Variants in GREM2 observed in about 807,000 individuals in gnomAD.
GREM2 encodes the protein gremlin 2, DAN family BMP antagonist.
GREM2 carries 11 observed loss-of-function variants against 14.2 expected under a neutral mutation model. The observed-to-expected ratio is 0.78, with a 90% CI of 0.49 to 1.28. GREM2 has a LOEUF of 1.28. Among genes scored for constraint, GREM2 ranks in the 50% most tolerant of loss-of-function variants. The pLI is 0.00. For synonymous variants in GREM2, 98 were observed against 97.6 expected (o/e 1.00, Z -0.02); for missense variants, 210 against 218.5 (o/e 0.96, Z 0.24).
intron 1 of GREM2, among the ~76,000 whole-genome samples, chr1:240,584,184 C>T (rs949925741): frequency 4.6e-5 from 7 of 151,988 alleles, no homozygotes; most frequent in African/African-American, 9.7e-5. Context: ...CACAGTAAGA[C>T]CCCATCTCTA....
intron 1 of GREM2, among the ~76,000 whole-genome samples, chr1:240,501,616 G>T (rs139827809): frequency 6.6e-6 from 1 of 152,228 alleles, no homozygotes; most frequent in South Asian, 2.1e-4. Context: ...ATGAGGAAGC[G>T]CTTGGAAAGC....
intron 1 of GREM2, among the ~76,000 whole-genome samples, chr1:240,608,413 G>A (rs1053089843): frequency 1.3e-5 from 2 of 152,092 alleles, no homozygotes; most frequent in African/African-American, 2.4e-5. Flanking sequence ...TTCCCAAAAC[G>A]TAGCTACCAT....
chr1:240,594,911 A>G (rs552636684), intron 1 of GREM2, among the ~76,000 whole-genome samples: 34 of 152,298 alleles, frequency 2.2e-4, no homozygotes, highest in South Asian at 8.3e-4. Flanking sequence ...ACTGAATAGT[A>G]TAAAGAAATA....
At chr1:240,602,068 A>G (rs1345086726) in intron 1 of GREM2, among the ~76,000 whole-genome samples, 1 of 152,204 alleles carries the variant, frequency 6.6e-6, no homozygotes, top group African/African-American at 2.4e-5. Flanking sequence ...TATGAAGGAT[A>G]CACTTGTAGG....
intron 1 of GREM2, among the ~76,000 whole-genome samples, chr1:240,547,283 G>A (rs889622920): frequency 1.3e-5 from 2 of 151,722 alleles, no homozygotes; most frequent in South Asian, 2.1e-4. Context: ...GGCGGATCAC[G>A]AGGGCAGGAG....
At chr1:240,521,826 T>C (rs570682608) in intron 1 of GREM2, among the ~76,000 whole-genome samples, 1 of 152,062 alleles carries the variant, frequency 6.6e-6, no homozygotes, top group African/African-American at 2.4e-5. Context: ...TAATTTTAAA[T>C]GTAGGCCAGG....
intron 1 of GREM2, among the ~76,000 whole-genome samples, chr1:240,584,865 A>T (rs1679559417): frequency 6.6e-6 from 1 of 152,206 alleles, no homozygotes. Context: ...TAGGGATGTG[A>T]GCATCCTCTG....
intron 1 of GREM2, among the ~76,000 whole-genome samples, chr1:240,597,514 C>A (rs928138102): frequency 6.6e-6 from 1 of 152,216 alleles, no homozygotes; most frequent in Non-Finnish European, 1.5e-5. Flanking sequence ...ACGTCCCTTT[C>A]CGCCTTGCTC....
At chr1:240,580,464 A>G (rs910175023) in intron 1 of GREM2, among the ~76,000 whole-genome samples, 1 of 152,226 alleles carries the variant, frequency 6.6e-6, no homozygotes, top group African/African-American at 2.4e-5. Flanking sequence ...TTCTTGTTTA[A>G]ATAATTGATG....
intron 1 of GREM2, among the ~76,000 whole-genome samples, chr1:240,581,086 C>A (rs1054418079): frequency 6.6e-6 from 1 of 151,828 alleles, no homozygotes. Context: ...CGTGTCTCTA[C>A]TAAAAATACA....
Position 240,493,085 on chromosome 1 carries a change from C to G in GREM2, c.391G>C (p.Val131Leu). The G allele has an allele frequency of 6.2e-7, 1 of 1,613,746 alleles. No individual in the cohort carries two copies. Among genetic ancestry groups the G allele is most frequent in the South Asian group, 1.1e-5 (1 of 91,076 alleles). ...AFCKPQRVTS[V>L]LVELECPGLD... ...CCGGGGCACTCGAGCTCCACGAGGACGGAGGTGACGCGCTGGGGCTTGCAG... is the reference window on the plus strand; with the variant it reads ...CCGGGGCACTCGAGCTCCACGAGGAGGGAGGTGACGCGCTGGGGCTTGCAG... The change falls in exon 2 of 2, where the codon GTC (valine) becomes CTC (leucine). Residue 131 changes from valine to leucine, a missense_variant. By Grantham distance (32) the Val-to-Leu change is conservative. Coordinates refer to ENST00000318160, the MANE Select transcript of GREM2 (RefSeq NM_022469.4).
rs112987377 is a variant in GREM2 at position 240,517,145 on chromosome 1, T to C, written c.-1-23669A>G. ...ACAAAACAAAACCATGAAGTCCCAT[T>C]TTCCACATGAGAAAACTGAGCTGCC... On this transcript the variant is annotated intron_variant, in intron 1 of 1. Coordinates refer to ENST00000318160, the MANE Select transcript of GREM2 (RefSeq NM_022469.4). Among the ~76,000 whole-genome samples the C allele has an allele frequency of 7.8e-3, 1,188 of 152,286 alleles. 15 individuals are homozygous for C. The highest frequency in any genetic ancestry group is 0.027 in the African/African-American group (1,121 of 41,564).
At chr1:240,551,032 C>T (rs1307521265) in intron 1 of GREM2, among the ~76,000 whole-genome samples, 1 of 152,138 alleles carries the variant, frequency 6.6e-6, no homozygotes, top group Non-Finnish European at 1.5e-5. Context: ...GTTTTCTATC[C>T]TGGGCTAAAT....
intron 1 of GREM2, among the ~76,000 whole-genome samples, chr1:240,576,591 C>G (rs1679378410): frequency 6.6e-6 from 1 of 152,064 alleles, no homozygotes; most frequent in Non-Finnish European, 1.5e-5. Context: ...CCCTGGTTGA[C>G]CTAGTTAGCA....
At chr1:240,580,156 C>G (rs1478189418) in intron 1 of GREM2, among the ~76,000 whole-genome samples, 2 of 151,988 alleles carry the variant, frequency 1.3e-5, no homozygotes, top group Non-Finnish European at 1.5e-5. Context: ...TTTGGGAGGT[C>G]AAGGCAGGCA....
rs1380486853 is a variant in GREM2, at chr1:240,490,381, G to A, written c.*2588C>T. 1 of 152,560 alleles carries A rather than the reference G, an allele frequency of 6.6e-6. No individual in the cohort carries two copies. Among genetic ancestry groups the A allele is most frequent in the Non-Finnish European group, 1.5e-5 (1 of 68,046 alleles). 9.5% of individuals were successfully genotyped at this position (152,560 alleles called of 1,614,324 possible). A position where few individuals can be genotyped will look rare whatever the true frequency, so the allele number is the denominator to read the frequency against. On this transcript the variant is annotated 3_prime_UTR_variant, in exon 2 of 2. Coordinates refer to ENST00000318160, the MANE Select transcript of GREM2 (RefSeq NM_022469.4). ...AAAGGAGATCATGTGACATAAGCTA[G>A]AGGTTGAACTCACCATGGTTGAACA... is the stretch of plus-strand genomic sequence containing the variant.
chr1:240,562,817 T>C (rs559656442), intron 1 of GREM2, among the ~76,000 whole-genome samples: 10 of 148,260 alleles, frequency 6.7e-5, no homozygotes, highest in Non-Finnish European at 1.3e-4. Flanking sequence ...ATGTGTGTAT[T>C]GTGTACACGT....
intron 1 of GREM2, among the ~76,000 whole-genome samples, chr1:240,531,293 C>G (rs370473162): frequency 6.6e-6 from 1 of 152,108 alleles, no homozygotes; most frequent in African/African-American, 2.4e-5. Context: ...CTTTCTAACC[C>G]GCTGGAGTAC....
At chr1:240,544,187 G>T (rs145014817) in intron 1 of GREM2, among the ~76,000 whole-genome samples, 1 of 144,734 alleles carries the variant, frequency 6.9e-6, no homozygotes, top group Non-Finnish European at 1.5e-5. Flanking sequence ...TCGCTCTGTC[G>T]CCCAGGCTGG....
Sources: allele counts gnomAD v4.1 joint callset (sites outside exome capture counted in the v4.1 genomes callset), GRCh38; gene constraint gnomAD v4.1.1; transcripts MANE v1.5; gene names NCBI Gene and HGNC (gene_info 2026-07-23, HGNC 2026-07-21).